SIAE: variants seen among roughly 807,000 people sequenced by gnomAD.
SIAE encodes the protein sialic acid acetylesterase.
A neutral mutation model predicts 52.6 loss-of-function variants in SIAE; 39 were observed. The observed-to-expected ratio is 0.74, with a 90% confidence interval of 0.57 to 0.97. The LOEUF (loss-of-function observed/expected upper bound fraction) is 0.97, where lower values mean the gene tolerates loss of function less well. SIAE is among the 50% of genes least tolerant of loss of function. The pLI is 0.00. For synonymous variants in SIAE, 233 were observed against 241.4 expected (o/e 0.97, Z 0.32); for missense variants, 592 against 662.1 (o/e 0.89, Z 1.16).
At position 124,635,815 on chromosome 11, in the gene SIAE, T is replaced by C. The variant is rs749314968; in HGVS notation, c.*1136A>G. The C allele has an allele frequency of 3.3e-5, 5 of 152,218 alleles. No homozygotes were observed. The highest frequency in any genetic ancestry group is 7.3e-5 in the Non-Finnish European group (5 of 68,038). The allele number at this position is 152,218 out of a possible 1,614,324, so 9.4% of individuals were successfully genotyped here. On this transcript the variant is annotated 3_prime_UTR_variant, in exon 10 of 10. Coordinates refer to ENST00000263593, the MANE Select transcript of SIAE (RefSeq NM_170601.5). ...ACATCACTAGTGATTATGCTTTTAT[T>C]TATTTCCAACTTCTTATAGGTAACA... is the stretch of plus-strand genomic sequence containing the variant.
chr11:124,673,492 G>T, intron 1 of SIAE, 150 bp downstream of exon 1: 1 of 851,962 alleles, frequency 1.2e-6, no homozygotes, highest in Non-Finnish European at 1.8e-6. Context: ...TGCAGACCGG[G>T]CCTCGGTCGG....
upstream of SIAE, chr11:124,673,866 G>GTTT (rs541892126): frequency 5.5e-4 from 288 of 527,874 alleles, no homozygotes; most frequent in East Asian, 2.1e-3. Flanking sequence ...GGCCGCCGTA[G>GTTT]TTTTTTTTTT....
chr11:124,655,554 A>G (rs1417741107), intron 3 of SIAE, among the ~76,000 whole-genome samples: 1 of 152,212 alleles, frequency 6.6e-6, no homozygotes, highest in Non-Finnish European at 1.5e-5. Flanking sequence ...TGTCTAATCC[A>G]TACCACACAA....
chr11:124,649,519 G>A, intron 5 of SIAE, 100 bp downstream of exon 5: 1 of 1,255,976 alleles, frequency 8.0e-7, no homozygotes. Flanking sequence ...CACATATTGG[G>A]ACATTCACCA....
chr11:124,652,309 T>C (rs1435625057), intron 4 of SIAE, among the ~76,000 whole-genome samples: 1 of 152,144 alleles, frequency 6.6e-6, no homozygotes, highest in African/African-American at 2.4e-5. Flanking sequence ...GGAGAGAGTG[T>C]CCTGGCTCAT....
chr11:124,639,604 T>C (rs1942810227), intron 8 of SIAE, 106 bp downstream of exon 8: 1 of 1,450,412 alleles, frequency 6.9e-7, no homozygotes, highest in Non-Finnish European at 9.5e-7. Flanking sequence ...CATACGTGAC[T>C]CTTAAGTGCC....
Position 124,637,212 on chromosome 11 carries a change from G to A in SIAE, c.1321-10C>T, listed in dbSNP as rs550505825. The A allele has an allele frequency of 1.2e-6, 2 of 1,614,094 alleles. No individual in the cohort carries two copies. The highest frequency in any genetic ancestry group is 1.6e-4 in the Middle Eastern group (1 of 6,062). ...CACTGCAACAGGAGATCTAATAAGAGAGCCATAAAATAGGAATGATTAGGT... is the reference window on the plus strand; with the variant it reads ...CACTGCAACAGGAGATCTAATAAGAAAGCCATAAAATAGGAATGATTAGGT... On this transcript the variant is annotated splice_polypyrimidine_tract_variant and intron_variant, in intron 9 of 9. Transcript: ENST00000263593.
chr11:124,666,378 AT>A (rs1471671266), intron 2 of SIAE, among the ~76,000 whole-genome samples: 2 of 152,186 alleles, frequency 1.3e-5, no homozygotes, highest in Non-Finnish European at 2.9e-5. Context: ...TTTTCTGCCT[AT>A]GAAATTTCTT....
chr11:124,657,033 G>A (rs1305105990), intron 3 of SIAE, among the ~76,000 whole-genome samples: 1 of 152,104 alleles, frequency 6.6e-6, no homozygotes, highest in East Asian at 1.9e-4. Flanking sequence ...TTGCCACTGA[G>A]CCGGCTGTGC....
chr11:124,643,422 C>A (rs1198258124), intron 7 of SIAE, among the ~76,000 whole-genome samples: 3 of 152,042 alleles, frequency 2.0e-5, no homozygotes, highest in African/African-American at 7.2e-5. Context: ...TGAGAATATC[C>A]TACAGGAGGA....
chr11:124,644,836 G>C (rs750471459), intron 7 of SIAE, among the ~76,000 whole-genome samples: 4 of 152,138 alleles, frequency 2.6e-5, no homozygotes, highest in African/African-American at 4.8e-5. Context: ...TGGTCTCTCC[G>C]TGGAACTCAC....
chr11:124,664,702 T>C (rs1196608987), intron 2 of SIAE, among the ~76,000 whole-genome samples: 1 of 152,210 alleles, frequency 6.6e-6, no homozygotes, highest in African/African-American at 2.4e-5. Flanking sequence ...TCTAGAGACA[T>C]AGTCATAAAG....
At chr11:124,665,154 G>C (rs1350631617) in intron 2 of SIAE, among the ~76,000 whole-genome samples, 1 of 152,228 alleles carries the variant, frequency 6.6e-6, no homozygotes, top group Non-Finnish European at 1.5e-5. Context: ...ACACCCCAAA[G>C]TCACATGCTT....
intron 5 of SIAE, among the ~76,000 whole-genome samples, chr11:124,649,040 A>G (rs1052499736): frequency 3.9e-5 from 6 of 152,166 alleles, no homozygotes; most frequent in Admixed American, 3.3e-4. Flanking sequence ...CTCCCCAAGT[A>G]TTCTTCCTGA....
chr11:124,655,082 C>G (rs1943075826), intron 3 of SIAE, among the ~76,000 whole-genome samples: 1 of 152,092 alleles, frequency 6.6e-6, no homozygotes, highest in Non-Finnish European at 1.5e-5. Context: ...AGAATATTGC[C>G]CAGCACTTAC....
rs961437330 is a variant in SIAE, at chr11:124,654,635, A to G, written c.544+20T>C. Reference sequence around the variant, plus strand: ...GCTAACCCATTATATAAGAGACAGCACGTTCAAGCCGTCACATACCTGAGG... The same window carrying G: ...GCTAACCCATTATATAAGAGACAGCGCGTTCAAGCCGTCACATACCTGAGG... On this transcript the variant is annotated intron_variant, in intron 4 of 9. Coordinates refer to ENST00000263593, the MANE Select transcript of SIAE (RefSeq NM_170601.5). 145 of 1,613,954 alleles carry G rather than the reference A, an allele frequency of 9.0e-5. No individual in the cohort carries two copies. Among genetic ancestry groups the G allele is most frequent in the Non-Finnish European group, 1.2e-4 (142 of 1,179,946 alleles).
intron 7 of SIAE, among the ~76,000 whole-genome samples, chr11:124,643,508 A>G (rs1220119496): frequency 1.3e-5 from 2 of 152,240 alleles, no homozygotes; most frequent in East Asian, 1.9e-4. Context: ...GGCTTAGACT[A>G]GCGCAGGAGG....
intron 6 of SIAE, among the ~76,000 whole-genome samples, chr11:124,647,720 T>A: frequency 6.6e-6 from 1 of 152,164 alleles, no homozygotes; most frequent in East Asian, 1.9e-4. Flanking sequence ...CCTGGAATCC[T>A]GAGACTATTA....
At chr11:124,652,823 T>C (rs1943037134) in intron 4 of SIAE, among the ~76,000 whole-genome samples, 1 of 152,234 alleles carries the variant, frequency 6.6e-6, no homozygotes, top group Middle Eastern at 3.4e-3. Flanking sequence ...TACTGAAATG[T>C]TGCCTTTCCC....
Sources: allele counts gnomAD v4.1 joint callset (sites outside exome capture counted in the v4.1 genomes callset), GRCh38; gene constraint gnomAD v4.1.1; transcripts MANE v1.5; gene names NCBI Gene and HGNC (gene_info 2026-07-23, HGNC 2026-07-21).